LMNTD1: variants seen among roughly 807,000 people sequenced by gnomAD.
LMNTD1 encodes lamin tail domain containing 1.
LMNTD1 carries 35 observed loss-of-function variants against 50.9 expected under a neutral mutation model. That is an observed-to-expected ratio of 0.69 (90% CI 0.53 to 0.91). The LOEUF (loss-of-function observed/expected upper bound fraction) is 0.91, where lower values mean the gene tolerates loss of function less well. LMNTD1 is among the 40% of genes least tolerant of loss of function. LMNTD1 has a pLI of 0.00. For synonymous variants in LMNTD1, 153 were observed against 161.9 expected, an observed-to-expected ratio of 0.94 and a Z score of 0.42; for missense variants, 470 against 475.5, an observed-to-expected ratio of 0.99 and a Z score of 0.11.
At chr12:25,626,550 C>G (rs1431268043) in intron 1 of LMNTD1, among the ~76,000 whole-genome samples, 1 of 152,128 alleles carries the variant, frequency 6.6e-6, no homozygotes, top group Non-Finnish European at 1.5e-5. Context: ...TATAATTTGA[C>G]TAATATACCT....
In LMNTD1 at chr12:25,526,917, T is replaced by G; in HGVS notation, c.530A>C (p.Lys177Thr). The G allele has an allele frequency of 6.2e-7, 1 of 1,611,016 alleles. No individual in the cohort carries two copies. The highest frequency in any genetic ancestry group is 8.5e-7 in the Non-Finnish European group (1 of 1,178,682). The part of the protein sequence containing the change: ...GDVEIAEVNV[K>T]GLFVKLINSS... Reference sequence around the variant, plus strand: ...GTTAATGAGCTTCACGAACAAACCCTTGACATTCACTTCAGCTATTTCAAC... The same window carrying G: ...GTTAATGAGCTTCACGAACAAACCCGTGACATTCACTTCAGCTATTTCAAC... The change falls in exon 5 of 10, where the codon AAG becomes ACG. Residue 177 changes from lysine to threonine, a missense_variant. By Grantham distance (78) the Lys-to-Thr change is moderately conservative. Coordinates refer to ENST00000458174, the MANE Select transcript of LMNTD1 (RefSeq NM_001145728.2).
intron 1 of LMNTD1, among the ~76,000 whole-genome samples, chr12:25,558,861 G>C (rs920226105): frequency 6.6e-6 from 1 of 152,098 alleles, no homozygotes; most frequent in East Asian, 1.9e-4. Flanking sequence ...CCCATGACAC[G>C]TGGGGGTTAC....
At chr12:25,525,774 TC>T (rs1279349623) in intron 6 of LMNTD1, among the ~76,000 whole-genome samples, 1 of 152,004 alleles carries the variant, frequency 6.6e-6, no homozygotes, top group Non-Finnish European at 1.5e-5. Flanking sequence ...CAAATGCCCA[TC>T]AGGCAACAAG....
At chr12:25,606,013 C>T (rs1946092250) in intron 1 of LMNTD1, among the ~76,000 whole-genome samples, 2 of 152,226 alleles carry the variant, frequency 1.3e-5, no homozygotes, top group African/African-American at 4.8e-5. Context: ...TTTCATTGAG[C>T]AGTGGTTTGT....
intron 8 of LMNTD1, among the ~76,000 whole-genome samples, chr12:25,518,243 C>T (rs1940954583): frequency 6.6e-6 from 1 of 152,096 alleles, no homozygotes; most frequent in African/African-American, 2.4e-5. Context: ...TGGACTCTCT[C>T]CCCAGAAAAA....
At position 25,487,079 on chromosome 12, in the gene LMNTD1, G is replaced by A. The variant is rs574228240; in HGVS notation, c.*23-10619C>T. On this transcript the variant is annotated intron_variant, in intron 9 of 9. Transcript: ENST00000458174. ...GTATGTGGTCAATTTTGGAATAGGT[G>A]TGGTGTGGTGCTGAAAAAAATGTAC... 3.5e-3 allele frequency among the ~76,000 whole-genome samples: 523 copies of A among 149,772 alleles called. 6 individuals are homozygous for A. The highest frequency in any genetic ancestry group is 0.012 in the African/African-American group (498 of 40,538).
chr12:25,618,216 C>T (rs1037482703), intron 1 of LMNTD1, among the ~76,000 whole-genome samples: 7 of 152,270 alleles, frequency 4.6e-5, no homozygotes, highest in East Asian at 1.9e-4. Context: ...TTGATCTCAG[C>T]CAAGCCTGCC....
In LMNTD1 at chr12:25,500,834, A is replaced by T. The variant is rs574312048; in HGVS notation, c.*22+2904T>A. Among the ~76,000 whole-genome samples the T allele has an allele frequency of 2.0e-4, 30 of 152,298 alleles. 1 individual carries two copies. Among genetic ancestry groups the T allele is most frequent in the Middle Eastern group, 6.8e-3 (2 of 294 alleles). ...ACAGACACTGTTCATTAGTCACACA[A>T]CAGAATGCCCACACATTCTTTGTAA... On this transcript the variant is annotated intron_variant, in intron 9 of 9. Transcript: ENST00000458174.
intron 4 of LMNTD1, among the ~76,000 whole-genome samples, chr12:25,543,044 T>A (rs1943201961): frequency 6.6e-6 from 1 of 151,950 alleles, no homozygotes; most frequent in African/African-American, 2.4e-5. Flanking sequence ...ATGGACACAT[T>A]TCTTGAAAGA....
At chr12:25,495,837 C>G (rs907550749) in intron 9 of LMNTD1, among the ~76,000 whole-genome samples, 3 of 152,174 alleles carry the variant, frequency 2.0e-5, no homozygotes, top group African/African-American at 7.2e-5. Flanking sequence ...AATCCCAGTG[C>G]TGAGCATTCA....
At chr12:25,562,540 C>G (rs11048112) in intron 1 of LMNTD1, among the ~76,000 whole-genome samples, 95,455 of 152,072 alleles carry the variant, frequency 0.63, 34,740 homozygotes, top group Non-Finnish European at 0.84. Context: ...TGTGGGTAAC[C>G]TGACCTTTCT....
At chr12:25,545,048 A>G (rs1217056064) in intron 4 of LMNTD1, among the ~76,000 whole-genome samples, 1 of 151,662 alleles carries the variant, frequency 6.6e-6, no homozygotes, top group East Asian at 1.9e-4. Context: ...CCATGTACTT[A>G]ATTTTACCAG....
intron 1 of LMNTD1, among the ~76,000 whole-genome samples, chr12:25,576,809 G>GT (rs1248894459): frequency 2.6e-5 from 4 of 152,026 alleles, no homozygotes; most frequent in African/African-American, 9.7e-5. Context: ...TTTTTCTAGG[G>GT]TTTTTATGGT....
intron 1 of LMNTD1, among the ~76,000 whole-genome samples, chr12:25,617,091 T>C (rs1946366939): frequency 6.6e-6 from 1 of 152,132 alleles, no homozygotes; most frequent in Non-Finnish European, 1.5e-5. Context: ...CTCAGAGAGG[T>C]AAAATAACTT....
At chr12:25,593,067 A>C in intron 1 of LMNTD1, 1 of 136,334 alleles carries the variant, frequency 7.3e-6, no homozygotes. Flanking sequence ...CTGCAGTAAG[A>C]CCCGCCCAAG....
chr12:25,634,782 A>G (rs1164243452), intron 1 of LMNTD1, among the ~76,000 whole-genome samples: 1 of 152,190 alleles, frequency 6.6e-6, no homozygotes, highest in African/African-American at 2.4e-5. Flanking sequence ...CTCCTCTTCA[A>G]CATAGTACTA....
At chr12:25,589,725 T>C (rs148960091) in intron 1 of LMNTD1, among the ~76,000 whole-genome samples, 103 of 152,382 alleles carry the variant, frequency 6.8e-4, no homozygotes, top group Non-Finnish European at 1.3e-3. Flanking sequence ...AAAATCTTCA[T>C]GGCACAAATA....
At chr12:25,484,488 T>C (rs1238199216) in intron 9 of LMNTD1, among the ~76,000 whole-genome samples, 1 of 152,004 alleles carries the variant, frequency 6.6e-6, no homozygotes, top group African/African-American at 2.4e-5. Flanking sequence ...ATTGACCCAA[T>C]AGCCATTTCT....
chr12:25,641,660 C>T (rs1464974884), intron 1 of LMNTD1, among the ~76,000 whole-genome samples: 1 of 152,056 alleles, frequency 6.6e-6, no homozygotes, highest in African/African-American at 2.4e-5. Context: ...TATTATTTAT[C>T]CACAAGGGTA....
Sources: gnomAD v4.1 joint callset for allele counts (sites outside exome capture counted in the v4.1 genomes callset) on GRCh38, gnomAD v4.1.1 for gene constraint, MANE v1.5 for transcripts, NCBI Gene and HGNC (gene_info 2026-07-23, HGNC 2026-07-21) for gene names.